TP73: variants seen among roughly 807,000 people sequenced by gnomAD.
The protein encoded by TP73 is p53-like transcription factor.
In TP73, 25 loss-of-function variants were observed where a neutral mutation model predicts 62.5. The ratio of observed to expected loss-of-function variants is 0.40; its 90% CI spans 0.29 to 0.56. TP73 has a LOEUF of 0.56. Among genes scored for constraint, TP73 ranks in the 20% least tolerant of loss-of-function variants. The probability of loss-of-function intolerance (pLI) is 0.46; values close to 1 mark genes in which losing one functional copy is unlikely to be tolerated. For missense variants in TP73, 754 were observed against 913.3 expected, an observed-to-expected ratio of 0.83 and a Z score of 2.25; for synonymous variants, 423 against 377.5, an observed-to-expected ratio of 1.12 and a Z score of -1.40.
intron 1 of TP73, among the ~76,000 whole-genome samples, chr1:3,655,001 G>A (rs376409456): frequency 2.0e-4 from 31 of 152,364 alleles, no homozygotes; most frequent in African/African-American, 6.3e-4. Flanking sequence ...CTTGCCCAGC[G>A]GCGGTATTAA....
chr1:3,664,502 C>A (rs544533775), intron 1 of TP73, among the ~76,000 whole-genome samples: 1 of 152,168 alleles, frequency 6.6e-6, no homozygotes, highest in Non-Finnish European at 1.5e-5. Flanking sequence ...TCCTGCTCGC[C>A]CGTACTGCAC....
chr1:3,680,010 T>C (rs1189005155), intron 1 of TP73, among the ~76,000 whole-genome samples: 1 of 152,104 alleles, frequency 6.6e-6, no homozygotes, highest in African/African-American at 2.4e-5. Flanking sequence ...TCTTTCTTTG[T>C]CCTTGTCTCT....
chr1:3,725,380 ATGGG>A (rs2124495806), intron 6 of TP73, among the ~76,000 whole-genome samples: 1 of 51,234 alleles, frequency 2.0e-5, no homozygotes, highest in South Asian at 7.1e-4. Context: ...GAGTGGGTGG[ATGGG>A]TGGATGGATG....
At chr1:3,667,749 CAAAA>C (rs543070938) in intron 1 of TP73, among the ~76,000 whole-genome samples, 2 of 85,448 alleles carry the variant, frequency 2.3e-5, no homozygotes, top group Admixed American at 1.3e-4. Context: ...GATTCTGTCT[CAAAA>C]AAAAAAAAAA....
At chr1:3,692,298 G>A (rs1332246702) in intron 3 of TP73, among the ~76,000 whole-genome samples, 1 of 152,192 alleles carries the variant, frequency 6.6e-6, no homozygotes, top group Non-Finnish European at 1.5e-5. Flanking sequence ...CCCAGAGGGT[G>A]GGTGAGGGTG....
At chr1:3,719,889 T>TG (rs1557566514) in intron 4 of TP73, among the ~76,000 whole-genome samples, 21 of 133,454 alleles carry the variant, frequency 1.6e-4, no homozygotes, top group African/African-American at 2.6e-4. Flanking sequence ...TTTTTTTCTC[T>TG]TTGTGTGTGT....
At chr1:3,702,517 G>T (rs1338719411) in intron 3 of TP73, among the ~76,000 whole-genome samples, 1 of 152,186 alleles carries the variant, frequency 6.6e-6, no homozygotes, top group Non-Finnish European at 1.5e-5. Flanking sequence ...TCCAGCACAG[G>T]TGCACCCAGG....
At chr1:3,655,462 C>T (rs1201904763) in intron 1 of TP73, among the ~76,000 whole-genome samples, 1 of 152,178 alleles carries the variant, frequency 6.6e-6, no homozygotes, top group African/African-American at 2.4e-5. Flanking sequence ...CCTTTGTTTT[C>T]CAGTGTGGGG....
chr1:3,689,650 G>A (rs985792784), intron 3 of TP73, among the ~76,000 whole-genome samples: 21 of 151,876 alleles, frequency 1.4e-4, no homozygotes, highest in Non-Finnish European at 2.2e-4. Flanking sequence ...CGACAGGGAG[G>A]AAGGAAGCTG....
intron 10 of TP73, 180 bp downstream of exon 10, chr1:3,729,628 G>A (rs1885867): frequency 0.75 from 855,988 of 1,145,090 alleles, 327,012 homozygotes; most frequent in Non-Finnish European, 0.8. Context: ...AGCACTTGGG[G>A]CTGCCCTGGG....
chr1:3,672,141 G>A lies in TP73; in HGVS notation c.-33-10192G>A, dbSNP rs996181765. Among the ~76,000 whole-genome samples, 2 of 152,154 alleles carry A rather than the reference G, an allele frequency of 1.3e-5. No homozygotes were observed. Among genetic ancestry groups the A allele is most frequent in the Non-Finnish European group, 2.9e-5 (2 of 68,008 alleles). ...CAGACCCCTTAGAGAAAAGCCCAGAGCCAGGGGTGAGGGGTATGTGTAGGG... is the reference window on the plus strand; with the variant it reads ...CAGACCCCTTAGAGAAAAGCCCAGAACCAGGGGTGAGGGGTATGTGTAGGG... On this transcript the variant is annotated intron_variant, in intron 1 of 13. Transcript: ENST00000378295. This position sits in a 1 kb window ranked among gnomAD's most constrained non-coding sequence, Gnocchi z 5.3.
At chr1:3,730,889 C>T in intron 11 of TP73, 38 bp from the exon 12 acceptor site, 9 of 1,554,824 alleles carry the variant, frequency 5.8e-6, no homozygotes, top group Non-Finnish European at 7.8e-6. Flanking sequence ...GGATGCCCAG[C>T]CTGGCTGCCC....
chr1:3,703,400 AGGGAGCCTGCCTGGGGCCCTG>A (rs1280101668), intron 3 of TP73, among the ~76,000 whole-genome samples: 2 of 152,240 alleles, frequency 1.3e-5, no homozygotes, highest in East Asian at 3.9e-4. Flanking sequence ...GGCCCTGCTA[AGGGAGCCTGCCTGGGGCCCTG>A]GGCCACAGAG....
chr1:3,721,707 C>T (rs926258991), intron 4 of TP73, among the ~76,000 whole-genome samples: 2 of 152,226 alleles, frequency 1.3e-5, no homozygotes, highest in Non-Finnish European at 2.9e-5. Flanking sequence ...TTCTTGCTCT[C>T]CTGGCCTTTC....
chr1:3,726,325 ATGGATGAATGGATGGG>A (rs1641595013), intron 6 of TP73, among the ~76,000 whole-genome samples: 1 of 86,676 alleles, frequency 1.2e-5, no homozygotes, highest in African/African-American at 4.1e-5. Context: ...GGATGGGTGG[ATGGATGAATGGATGGG>A]TTGATATTGA....
intron 1 of TP73, among the ~76,000 whole-genome samples, chr1:3,667,241 A>G (rs1449608971): frequency 1.3e-5 from 2 of 152,168 alleles, no homozygotes; most frequent in Non-Finnish European, 1.5e-5. Flanking sequence ...AGAGGGGGAA[A>G]TGTATTCTCC....
intron 3 of TP73, among the ~76,000 whole-genome samples, chr1:3,684,270 C>T (rs888629418): frequency 3.9e-5 from 6 of 152,152 alleles, no homozygotes; most frequent in African/African-American, 1.4e-4. Flanking sequence ...AATTTGTTTG[C>T]GCTGCGGAAA....
chr1:3,732,364 C>A (rs1340844967), intron 13 of TP73, among the ~76,000 whole-genome samples: 5 of 151,500 alleles, frequency 3.3e-5, no homozygotes, highest in Non-Finnish European at 5.9e-5. Flanking sequence ...GTCACGTTAA[C>A]CCTTGCCTCC....
intron 3 of TP73, among the ~76,000 whole-genome samples, chr1:3,689,707 A>C (rs1170149139): frequency 6.6e-6 from 1 of 152,100 alleles, no homozygotes; most frequent in Non-Finnish European, 1.5e-5. Context: ...GGGATTTGGC[A>C]GGAAAAGGTT....
Sources: gnomAD v4.1 joint callset for allele counts (sites outside exome capture counted in the v4.1 genomes callset) on GRCh38, gnomAD v4.1.1 for gene constraint, Gnocchi (gnomAD v3.1) non-coding constraint, MANE v1.5 for transcripts, NCBI Gene and HGNC (gene_info 2026-07-23, HGNC 2026-07-21) for gene names.